CNRIP1: variants seen among roughly 807,000 people sequenced by gnomAD.
CNRIP1 encodes the protein cannabinoid receptor interacting protein 1.
A neutral mutation model predicts 15.2 loss-of-function variants in CNRIP1; 10 were observed. That is an observed-to-expected ratio of 0.66 (90% CI 0.41 to 1.12). CNRIP1 has a LOEUF of 1.12. Ranked by LOEUF, CNRIP1 falls within the 50% of genes most tolerant of loss-of-function variation. CNRIP1 has a pLI of 0.00. For synonymous variants in CNRIP1, 91 were observed against 83.2 expected (o/e 1.09, Z -0.51); for missense variants, 211 against 214.7 (o/e 0.98, Z 0.11).
chr2:68,307,538 C>T (rs1671902189), intron 2 of CNRIP1, among the ~76,000 whole-genome samples: 1 of 152,058 alleles, frequency 6.6e-6, no homozygotes, highest in Non-Finnish European at 1.5e-5. Flanking sequence ...ATTGCTCAGG[C>T]TAGTCTTGAA....
chr2:68,317,123 G>A (rs1672302615), intron 2 of CNRIP1, 34 bp downstream of exon 2: 1 of 1,613,186 alleles, frequency 6.2e-7, no homozygotes, highest in African/African-American at 1.3e-5. Flanking sequence ...ATTTTCCATG[G>A]CACCATACTC....
At chr2:68,295,963 T>C (rs760426928) in intron 2 of CNRIP1, among the ~76,000 whole-genome samples, 2 of 152,202 alleles carry the variant, frequency 1.3e-5, no homozygotes, top group Non-Finnish European at 2.9e-5. Context: ...GTATTCTAAA[T>C]GCTGCTAATG....
Position 68,293,424 on chromosome 2 carries a change from T to G in CNRIP1, c.*438A>C, listed in dbSNP as rs74742753. ...GCTGGCAAACACTGCAAGTTACATG[T>G]TACCATATTACACATGGGAGGACCC... On this transcript the variant is annotated 3_prime_UTR_variant, in exon 3 of 3. Coordinates refer to ENST00000263655, the MANE Select transcript of CNRIP1 (RefSeq NM_015463.3). 5,710 of 986,824 alleles carry G rather than the reference T, an allele frequency of 5.8e-3. 246 individuals carry two copies. The African/African-American group carries it at 0.09, about 16-fold the overall frequency. The allele number at this position is 986,824 out of a possible 1,614,324, so 61.1% of individuals were successfully genotyped here.
chr2:68,285,668 A>AAAAAAAAGAAAAG (rs539747999), intron 2 of CNRIP1, among the ~76,000 whole-genome samples: 24 of 124,458 alleles, frequency 1.9e-4, no homozygotes, highest in African/African-American at 4.6e-4. Context: ...AAAAAAAAAA[A>AAAAAAAAGAAAAG]AAAAGAAAAG....
intron 2 of CNRIP1, among the ~76,000 whole-genome samples, chr2:68,300,212 T>C (rs1035330421): frequency 6.6e-6 from 1 of 152,244 alleles, no homozygotes; most frequent in African/African-American, 2.4e-5. Context: ...GCCCATGTTA[T>C]ATTCTCACCA....
chr2:68,316,961 GGTCA>G (rs1399749545), intron 2 of CNRIP1, 192 bp downstream of exon 2: 22 of 693,076 alleles, frequency 3.2e-5, no homozygotes, highest in Non-Finnish European at 5.8e-5. Context: ...GCATCTACAG[GGTCA>G]GTCTGTCATG....
chr2:68,294,126 C>T (rs1573008155), intron 2 of CNRIP1, 100 bp from the exon 3 acceptor site: 1 of 1,269,186 alleles, frequency 7.9e-7, no homozygotes, highest in Admixed American at 2.1e-5. Flanking sequence ...ATCAAGCAGA[C>T]CCAGTCCAGA....
chr2:68,293,322 GC>G lies in CNRIP1; in HGVS notation c.*539del, dbSNP rs1165429536. On this transcript the variant is annotated 3_prime_UTR_variant, in exon 3 of 3. Transcript: ENST00000263655. ...TACCATCCTTCCCTGAAAGAGCGGA[GC>G]TGTTTATAGGAAGCACAACATTTGA... 4 of 985,924 alleles carry G rather than the reference GC, an allele frequency of 4.1e-6. No individual in the cohort carries two copies. In the African/African-American group the frequency reaches 5.2e-5, roughly 13 times the overall value. The allele number at this position is 985,924 out of a possible 1,614,324, so 61.1% of individuals were successfully genotyped here. A position where few individuals can be genotyped will look rare whatever the true frequency, so the allele number is the denominator to read the frequency against.
At chr2:68,311,351 A>G (rs1442044073) in intron 2 of CNRIP1, among the ~76,000 whole-genome samples, 2 of 152,044 alleles carry the variant, frequency 1.3e-5, no homozygotes, top group Non-Finnish European at 2.9e-5. Context: ...TAGGATTAGA[A>G]AACAATGAAG....
intron 2 of CNRIP1, among the ~76,000 whole-genome samples, chr2:68,300,283 A>G (rs964964356): frequency 2.0e-5 from 3 of 152,154 alleles, no homozygotes; most frequent in African/African-American, 7.2e-5. Context: ...AGTCCTTTCA[A>G]TTTTAGCCAG....
chr2:68,302,672 C>T (rs890935736), intron 2 of CNRIP1, among the ~76,000 whole-genome samples: 7 of 152,110 alleles, frequency 4.6e-5, no homozygotes, highest in Non-Finnish European at 2.9e-5. Flanking sequence ...TTGACAGTAG[C>T]TGCAGTGTCA....
intron 2 of CNRIP1, among the ~76,000 whole-genome samples, chr2:68,311,779 G>GA (rs59421926): frequency 0.019 from 1,673 of 90,138 alleles, 69 homozygotes; most frequent in African/African-American, 0.067. Flanking sequence ...CATCTCCGGG[G>GA]AAAAAAAAAA....
chr2:68,308,798 C>CA (rs907380573), intron 2 of CNRIP1, among the ~76,000 whole-genome samples: 1 of 151,304 alleles, frequency 6.6e-6, no homozygotes, highest in Non-Finnish European at 1.5e-5. Flanking sequence ...TTTTGCAGAA[C>CA]TTTTTTTTTC....
At chr2:68,286,830 C>A (rs928772786) in intron 2 of CNRIP1, among the ~76,000 whole-genome samples, 1 of 152,270 alleles carries the variant, frequency 6.6e-6, no homozygotes. Context: ...AGCTATATGA[C>A]CTTGGGCAGG....
intron 2 of CNRIP1, among the ~76,000 whole-genome samples, chr2:68,306,787 A>T (rs1397517671): frequency 3.2e-5 from 4 of 125,350 alleles, no homozygotes; most frequent in African/African-American, 1.1e-4. Flanking sequence ...TTAAAAAAAA[A>T]AAAAAAAATT....
chr2:68,292,167 A>T (rs1671189167), downstream of CNRIP1, among the ~76,000 whole-genome samples: 1 of 152,236 alleles, frequency 6.6e-6, no homozygotes, highest in African/African-American at 2.4e-5. Flanking sequence ...TTGGTTTTAA[A>T]AAATAGTCAT....
At position 68,293,111 on chromosome 2, in the gene CNRIP1, G is replaced by C; in HGVS notation, c.*751C>G. The C allele has an allele frequency of 1.0e-6, 1 of 985,436 alleles. No homozygotes were observed. The allele number at this position is 985,436 out of a possible 1,614,324, so 61.0% of individuals were successfully genotyped here. A position where few individuals can be genotyped will look rare whatever the true frequency, so the allele number is the denominator to read the frequency against. On this transcript the variant is annotated 3_prime_UTR_variant, in exon 3 of 3. Coordinates refer to ENST00000263655, the MANE Select transcript of CNRIP1 (RefSeq NM_015463.3). Reference sequence around the variant, plus strand: ...AGAAGACTGTAGGGATGCCATCAATGTGCGTGTCTGAAGACTATGGAAGCT... The same window carrying C: ...AGAAGACTGTAGGGATGCCATCAATCTGCGTGTCTGAAGACTATGGAAGCT...
intron 2 of CNRIP1, 100 bp downstream of exon 2, chr2:68,317,057 C>A (rs1253837634): frequency 6.9e-7 from 1 of 1,444,230 alleles, no homozygotes; most frequent in South Asian, 1.1e-5. Flanking sequence ...GTAATTGGCT[C>A]CCAACACACC....
intron 2 of CNRIP1, among the ~76,000 whole-genome samples, chr2:68,313,317 T>G (rs1350296280): frequency 6.6e-6 from 1 of 152,148 alleles, no homozygotes; most frequent in African/African-American, 2.4e-5. Context: ...GATTTAGCAA[T>G]TGTCCTCTTA....
Sources: allele counts gnomAD v4.1 joint callset (sites outside exome capture counted in the v4.1 genomes callset), GRCh38; gene constraint gnomAD v4.1.1; transcripts MANE v1.5; gene names NCBI Gene and HGNC (gene_info 2026-07-23, HGNC 2026-07-21).